The following MOV10L1 variants were observed in gnomAD, a reference collection of about 807,000 sequenced individuals.
MOV10L1 encodes Mov10 like RNA helicase 1.
A neutral mutation model predicts 143.8 loss-of-function variants in MOV10L1; 110 were observed. That is an observed-to-expected ratio of 0.76 (90% confidence interval 0.66 to 0.90). The LOEUF is 0.90. Among genes scored for constraint, MOV10L1 ranks in the 40% least tolerant of loss-of-function variants. MOV10L1 has a pLI of 0.00. For synonymous variants in MOV10L1, 593 were observed against 581.1 expected (o/e 1.02, Z -0.29); for missense variants, 1,406 against 1,526.8 (o/e 0.92, Z 1.32).
At chr22:50,149,553 C>A in intron 19 of MOV10L1, 62 bp from the exon 20 acceptor site, 1 of 1,537,574 alleles carries the variant, frequency 6.5e-7, no homozygotes, top group South Asian at 1.2e-5. Flanking sequence ...GCCAGTGTGT[C>A]AGAGGCATCA....
chr22:50,158,122 G>A lies in MOV10L1; in HGVS notation c.3132G>A (p.Leu1044=), dbSNP rs753479741. The A allele has an allele frequency of 1.7e-5, 27 of 1,614,080 alleles. No individual in the cohort carries two copies. The highest frequency in any genetic ancestry group is 2.1e-5 in the Non-Finnish European group (25 of 1,180,048). ...WFNPAEAVQV[L]RYCCLLAHSI... ...ACCCGGCCGAGGCCGTCCAGGTCCT[G>A]CGCTACTGCTGCCTCCTGGCCCACA... is the stretch of plus-strand genomic sequence containing the variant. Residue 1044 remains leucine (L), a synonymous_variant, in exon 23 of 27, where the codon CTG becomes CTA. Transcript: ENST00000262794. This position sits in a 1 kb window ranked among gnomAD's most constrained non-coding sequence, Gnocchi z 5.0.
chr22:50,155,742 G>A (rs1293370714), intron 22 of MOV10L1, among the ~76,000 whole-genome samples: 1 of 152,124 alleles, frequency 6.6e-6, no homozygotes, highest in African/African-American at 2.4e-5. Flanking sequence ...CCAAAGTACT[G>A]GGATTACAGG....
chr22:50,150,572 C>T (rs552903553), intron 20 of MOV10L1, among the ~76,000 whole-genome samples, 163 bp from the exon 21 acceptor site: 1 of 152,262 alleles, frequency 6.6e-6, no homozygotes, highest in East Asian at 1.9e-4. Context: ...AGAGACGGCT[C>T]CAAGCCCTGT....
intron 10 of MOV10L1, among the ~76,000 whole-genome samples, chr22:50,123,010 C>T (rs1048233222): frequency 6.6e-6 from 1 of 151,448 alleles, no homozygotes; most frequent in African/African-American, 2.4e-5. Flanking sequence ...ATTTTCTTCT[C>T]TTCCTAGTTT....
chr22:50,108,518 T>C, intron 4 of MOV10L1, 139 bp from the exon 5 acceptor site: 1 of 893,880 alleles, frequency 1.1e-6, no homozygotes, highest in Non-Finnish European at 1.8e-6. Context: ...GGAGAATCAC[T>C]GGACCAGTGC....
At chr22:50,108,054 T>C in intron 3 of MOV10L1, 82 bp from the exon 4 acceptor site, 1 of 1,225,192 alleles carries the variant, frequency 8.2e-7, no homozygotes. Context: ...TCAGGTATGA[T>C]AGAAATGATT....
At chr22:50,142,578 A>T (rs1225468864) in intron 16 of MOV10L1, among the ~76,000 whole-genome samples, 4 of 151,996 alleles carry the variant, frequency 2.6e-5, no homozygotes, top group African/African-American at 9.7e-5. Context: ...CTGTCATCCT[A>T]ACACTTTTGG....
chr22:50,138,494 G>A (rs528005828), intron 15 of MOV10L1, among the ~76,000 whole-genome samples: 4 of 151,972 alleles, frequency 2.6e-5, no homozygotes, highest in East Asian at 3.9e-4. Flanking sequence ...GGAGGTTGAG[G>A]CTGCAGTGAG....
rs1319460886 is a variant in MOV10L1, at chr22:50,131,733, AAAG to A, written c.1911-2271_1911-2269del. Among the ~76,000 whole-genome samples, 368 of 144,688 alleles carry A rather than the reference AAAG, an allele frequency of 2.5e-3. 14 individuals carry two copies. In the South Asian group the frequency reaches 0.066, roughly 26 times the overall value. 94.9% of individuals were successfully genotyped at this position (144,688 alleles called of 152,430 possible). Reference sequence around the variant, plus strand: ...TATTGTACCTTTGTGAAAAAAAAAAAAAGAAAATCAGTTGACCAAATATTTGTT... The same window carrying A: ...TATTGTACCTTTGTGAAAAAAAAAAAAAAATCAGTTGACCAAATATTTGTT... On this transcript the variant is annotated intron_variant, in intron 13 of 26. Coordinates refer to ENST00000262794, the MANE Select transcript of MOV10L1 (RefSeq NM_018995.3).
Position 50,158,398 on chromosome 22 carries a change from C to A in MOV10L1, c.3216+192C>A. The A allele has an allele frequency of 1.6e-6, 1 of 608,934 alleles. No homozygotes were observed. The highest frequency in any genetic ancestry group is 2.7e-6 in the Non-Finnish European group (1 of 364,712). The allele number at this position is 608,934 out of a possible 1,614,324, so 37.7% of individuals were successfully genotyped here. A position where few individuals can be genotyped will look rare whatever the true frequency, so the allele number is the denominator to read the frequency against. On this transcript the variant is annotated intron_variant, in intron 23 of 26. Coordinates refer to ENST00000262794, the MANE Select transcript of MOV10L1 (RefSeq NM_018995.3). This position sits in a 1 kb window ranked among gnomAD's most constrained non-coding sequence, Gnocchi z 5.0. Reference sequence around the variant, plus strand: ...CCATCCATGGGCCAGTTCCGGGCAGCTGCCAGCTTTTCTACGGCCAGAGCC... The same window carrying A: ...CCATCCATGGGCCAGTTCCGGGCAGATGCCAGCTTTTCTACGGCCAGAGCC...
chr22:50,150,717 C>T lies in MOV10L1; in HGVS notation c.2728-18C>T, dbSNP rs367891822. 62 of 1,611,470 alleles carry T rather than the reference C, an allele frequency of 3.8e-5. No individual in the cohort carries two copies. Among genetic ancestry groups the T allele is most frequent in the African/African-American group, 1.3e-4 (10 of 74,858 alleles). On this transcript the variant is annotated intron_variant, in intron 20 of 26. Coordinates refer to ENST00000262794, the MANE Select transcript of MOV10L1 (RefSeq NM_018995.3). ...GGCACCCTCCCTGCATGAGCTGAGA[C>T]GGGCCCTCTGTGTGCAGATCGTGCT...
rs1272337447 is a variant in MOV10L1 at position 50,113,689 on chromosome 22, C to T, written c.785C>T (p.Thr262Met). 12 of 1,613,898 alleles carry T rather than the reference C, an allele frequency of 7.4e-6. No individual in the cohort carries two copies. Among genetic ancestry groups the T allele is most frequent in the South Asian group, 1.1e-5 (1 of 91,062 alleles). ...PVHEATHFYG[T>M]ILLKNKGDIE... ...CATGAGGCCACTCATTTCTATGGAA[C>T]GATTTTGCTGAAGAACAAAGGTGAT... Residue 262 changes from threonine to methionine, a missense_variant, in exon 6 of 27, where the codon ACG becomes ATG. By Grantham distance (81) the Thr-to-Met change is moderately conservative (BLOSUM62 -1). This residue lies in a region of MOV10L1 where 1,233 missense variants were observed against 1,351.4 expected (regional missense o/e 0.91). Coordinates refer to ENST00000262794, the MANE Select transcript of MOV10L1 (RefSeq NM_018995.3).
At chr22:50,139,225 A>T (rs948225668) in intron 15 of MOV10L1, among the ~76,000 whole-genome samples, 1 of 152,092 alleles carries the variant, frequency 6.6e-6, no homozygotes, top group Non-Finnish European at 1.5e-5. Flanking sequence ...AGCGCAGACA[A>T]AAACTAACTT....
At chr22:50,145,963 G>A (rs908939440) in intron 19 of MOV10L1, among the ~76,000 whole-genome samples, 153 bp downstream of exon 19, 5 of 152,188 alleles carry the variant, frequency 3.3e-5, no homozygotes, top group Non-Finnish European at 7.4e-5. Flanking sequence ...GGGGAGGGCC[G>A]TGCCTGAATG....
In MOV10L1 at chr22:50,152,785, C is replaced by T. The variant is rs2063333114; in HGVS notation, c.2893-260C>T. ...CCCTTTAAGAGGCCCCTCAGCGGCA[C>T]CCAGACCCAGGAGAGGAACAGAGGG... On this transcript the variant is annotated intron_variant, in intron 21 of 26. Transcript: ENST00000262794. This position sits in a 1 kb window ranked among gnomAD's most constrained non-coding sequence, Gnocchi z 4.4. Among the ~76,000 whole-genome samples, 1 of 152,152 alleles carries T rather than the reference C, an allele frequency of 6.6e-6. No individual in the cohort carries two copies. The highest frequency in any genetic ancestry group is 1.5e-5 in the Non-Finnish European group (1 of 68,016).
At chr22:50,142,029 A>G (rs529872325) in intron 15 of MOV10L1, 52 bp from the exon 16 acceptor site, 4 of 1,490,012 alleles carry the variant, frequency 2.7e-6, no homozygotes, top group Non-Finnish European at 3.7e-6. Context: ...CAACCAAGCC[A>G]GTGTAAACAC....
chr22:50,113,981 C>T (rs12167546), intron 6 of MOV10L1, among the ~76,000 whole-genome samples, 193 bp downstream of exon 6: 6,080 of 144,426 alleles, frequency 0.042, 206 homozygotes, highest in African/African-American at 0.088. Context: ...TGCAGTGGCG[C>T]GATCTCAGCT....
chr22:50,149,304 G>A (rs1044144611), intron 19 of MOV10L1: 3 of 338,958 alleles, frequency 8.9e-6, no homozygotes, highest in South Asian at 3.5e-5. Flanking sequence ...AGCCTGCGGC[G>A]CTTCTCCTGT....
At chr22:50,109,233 AT>A (rs1336225542) in intron 5 of MOV10L1, among the ~76,000 whole-genome samples, 3 of 152,262 alleles carry the variant, frequency 2.0e-5, no homozygotes, top group East Asian at 3.9e-4. Context: ...AATAGTAGAC[AT>A]TTCAAGCCCT....
Sources: allele counts gnomAD v4.1 joint callset (sites outside exome capture counted in the v4.1 genomes callset), GRCh38; gene constraint gnomAD v4.1.1; regional missense constraint gnomAD v4.1.1; non-coding constraint Gnocchi (gnomAD v3.1); transcripts MANE v1.5; gene names NCBI Gene and HGNC (gene_info 2026-07-23, HGNC 2026-07-21).